KCNQ5: variants seen among roughly 807,000 people sequenced by gnomAD.
KCNQ5 encodes the protein potassium voltage-gated channel subfamily KQT member 5.
KCNQ5 carries 30 observed loss-of-function variants against 98.2 expected under a neutral mutation model. That is an observed-to-expected ratio of 0.31 (90% CI 0.23 to 0.41). The LOEUF (loss-of-function observed/expected upper bound fraction) is 0.41, where lower values mean the gene tolerates loss of function less well. Among genes scored for constraint, KCNQ5 ranks in the 10% least tolerant of loss-of-function variants. KCNQ5 has a pLI of 1.00. For synonymous variants in KCNQ5, 458 were observed against 449.4 expected (o/e 1.02, Z -0.24); for missense variants, 835 against 1,182.5 (o/e 0.71, Z 4.31).
chr6:72,984,085 G>A lies in KCNQ5; in HGVS notation c.399-19823G>A, dbSNP rs556413215. 1.4e-4 allele frequency among the ~76,000 whole-genome samples: 22 copies of A among 152,248 alleles called. 1 individual carries two copies. The South Asian group carries it at 3.1e-3, about 22-fold the overall frequency. On this transcript the variant is annotated intron_variant, in intron 1 of 13. Transcript: ENST00000370398. ...GCCTGACCCTTCCTCTGGAAGCTTC[G>A]TCCCAGAGGGGCATCGGGCTGTATG...
intron 1 of KCNQ5, among the ~76,000 whole-genome samples, chr6:72,792,935 ATGT>A (rs1381012679): frequency 3.3e-5 from 5 of 152,210 alleles, no homozygotes; most frequent in South Asian, 4.1e-4. Flanking sequence ...GAAATTAAAC[ATGT>A]TGTTCTAAAA....
intron 11 of KCNQ5, among the ~76,000 whole-genome samples, chr6:73,186,671 A>G (rs1778581825): frequency 6.6e-6 from 1 of 152,246 alleles, no homozygotes. Flanking sequence ...AGTAACATAC[A>G]GTAAAATAAT....
At chr6:73,106,327 A>C (rs1774999237) in intron 6 of KCNQ5, among the ~76,000 whole-genome samples, 1 of 152,226 alleles carries the variant, frequency 6.6e-6, no homozygotes, top group African/African-American at 2.4e-5. Flanking sequence ...AAGGCCATGC[A>C]TATGCTTGGG....
In KCNQ5 at chr6:73,197,336, T is replaced by A. The variant is rs1765822578; in HGVS notation, c.*1922T>A. On this transcript the variant is annotated 3_prime_UTR_variant, in exon 14 of 14. Coordinates refer to ENST00000370398, the MANE Select transcript of KCNQ5 (RefSeq NM_019842.4). Reference sequence around the variant, plus strand: ...TTGTCCCTTTTGATAAACATGGAAATTTTTAAAGCTTCCTCTTCGCATCCC... The same window carrying A: ...TTGTCCCTTTTGATAAACATGGAAAATTTTAAAGCTTCCTCTTCGCATCCC... 6.6e-6 allele frequency: 1 copy of A among 152,324 alleles called. No individual in the cohort carries two copies. Among genetic ancestry groups the A allele is most frequent in the African/African-American group, 2.4e-5 (1 of 41,570 alleles). The allele number at this position is 152,324 out of a possible 1,614,324, so 9.4% of individuals were successfully genotyped here. A position where few individuals can be genotyped will look rare whatever the true frequency, so the allele number is the denominator to read the frequency against.
intron 1 of KCNQ5, among the ~76,000 whole-genome samples, chr6:72,860,575 G>A (rs913820217): frequency 6.6e-6 from 1 of 152,060 alleles, no homozygotes; most frequent in African/African-American, 2.4e-5. Context: ...AAATTAGTCA[G>A]CACAGTGTAT....
intron 3 of KCNQ5, among the ~76,000 whole-genome samples, chr6:73,049,326 A>G (rs1202272672): frequency 6.6e-6 from 1 of 152,250 alleles, no homozygotes. Flanking sequence ...TTAGTTCTTC[A>G]AAGAGCACCT....
At chr6:72,782,526 G>A (rs1031629411) in intron 1 of KCNQ5, among the ~76,000 whole-genome samples, 8 of 152,288 alleles carry the variant, frequency 5.3e-5, no homozygotes, top group Middle Eastern at 3.4e-3. Flanking sequence ...AAAAGTGTTT[G>A]TGGTTGTTGT....
chr6:72,625,404 A>G (rs1271149271), intron 1 of KCNQ5, among the ~76,000 whole-genome samples: 1 of 152,170 alleles, frequency 6.6e-6, no homozygotes, highest in African/African-American at 2.4e-5. Flanking sequence ...CATATTTCCT[A>G]TCTTCAACTT....
At chr6:72,884,018 T>C (rs1014926401) in intron 1 of KCNQ5, among the ~76,000 whole-genome samples, 12 of 152,212 alleles carry the variant, frequency 7.9e-5, no homozygotes, top group East Asian at 1.9e-4. Flanking sequence ...TAAGGACATA[T>C]ATGATAGTCT....
chr6:72,764,748 C>T (rs1308910605), intron 1 of KCNQ5, among the ~76,000 whole-genome samples: 1 of 151,960 alleles, frequency 6.6e-6, no homozygotes, highest in African/African-American at 2.4e-5. Context: ...ATTCCTACTT[C>T]CCCCTGCCCC....
At chr6:73,067,382 G>C (rs1773101053) in intron 3 of KCNQ5, among the ~76,000 whole-genome samples, 1 of 151,996 alleles carries the variant, frequency 6.6e-6, no homozygotes, top group African/African-American at 2.4e-5. Flanking sequence ...TTTAGATTGA[G>C]AGTTAACATG....
chr6:72,852,640 A>AATAAATAAATAAATATATAT (rs1026407821), intron 1 of KCNQ5, among the ~76,000 whole-genome samples: 3 of 56,802 alleles, frequency 5.3e-5, no homozygotes, highest in East Asian at 4.4e-4. Flanking sequence ...ATGAAGGGGA[A>AATAAATAAATAAATATATAT]ATATATATAT....
chr6:72,746,028 A>T (rs1463724957), intron 1 of KCNQ5, among the ~76,000 whole-genome samples: 1 of 129,318 alleles, frequency 7.7e-6, no homozygotes, highest in East Asian at 2.7e-4. Flanking sequence ...ATCCAGTGTG[A>T]TCACATCTTA....
chr6:72,624,372 T>C (rs546748425), intron 1 of KCNQ5, among the ~76,000 whole-genome samples: 16 of 152,342 alleles, frequency 1.1e-4, no homozygotes, highest in African/African-American at 3.4e-4. Flanking sequence ...TTTACAACAG[T>C]ATGCTCAAAA....
chr6:73,041,756 T>G (rs1771712145), intron 2 of KCNQ5, among the ~76,000 whole-genome samples, 180 bp from the exon 3 acceptor site: 1 of 152,182 alleles, frequency 6.6e-6, no homozygotes, highest in Admixed American at 6.5e-5. Flanking sequence ...GCAGACAGTA[T>G]GAGGTTCAAA....
chr6:72,688,136 C>G (rs1322123727), intron 1 of KCNQ5, among the ~76,000 whole-genome samples: 2 of 152,164 alleles, frequency 1.3e-5, no homozygotes, highest in African/African-American at 4.8e-5. Context: ...ATGCATGTTA[C>G]ATTGCTTTCT....
At chr6:72,858,155 T>C (rs1351524628) in intron 1 of KCNQ5, among the ~76,000 whole-genome samples, 3 of 152,208 alleles carry the variant, frequency 2.0e-5, no homozygotes, top group African/African-American at 7.2e-5. Flanking sequence ...AAACTTATTC[T>C]AAATTTTTCC....
intron 1 of KCNQ5, among the ~76,000 whole-genome samples, chr6:72,852,660 T>A (rs867481324): frequency 3.9e-5 from 5 of 128,496 alleles, no homozygotes; most frequent in African/African-American, 1.2e-4. Flanking sequence ...TATATATATA[T>A]AAATGGCACT....
chr6:72,782,677 T>G (rs1773549569), intron 1 of KCNQ5, among the ~76,000 whole-genome samples: 1 of 152,206 alleles, frequency 6.6e-6, no homozygotes, highest in Non-Finnish European at 1.5e-5. Flanking sequence ...ACCTCCATTT[T>G]ATTTTATCAT....
Sources: gnomAD v4.1 joint callset for allele counts (sites outside exome capture counted in the v4.1 genomes callset) on GRCh38, gnomAD v4.1.1 for gene constraint, MANE v1.5 for transcripts, NCBI Gene and HGNC (gene_info 2026-07-23, HGNC 2026-07-21) for gene names.